Variants in SLC9A3 observed in about 807,000 individuals in gnomAD.
The protein encoded by SLC9A3 is solute carrier family 9 member A3.
A neutral mutation model predicts 86.8 loss-of-function variants in SLC9A3; 37 were observed. That is an observed-to-expected ratio of 0.43 (90% CI 0.33 to 0.56). The LOEUF (loss-of-function observed/expected upper bound fraction) is 0.56. Ranked by LOEUF, SLC9A3 falls within the 20% of genes least tolerant of loss-of-function variation. The probability of loss-of-function intolerance (pLI) is 0.06; values close to 1 mark genes in which losing one functional copy is unlikely to be tolerated. For missense variants in SLC9A3, 1,011 were observed against 1,171.9 expected (o/e 0.86, Z 2.00); for synonymous variants, 581 against 528.3 (o/e 1.10, Z -1.37).
chr5:506,985 C>T (rs960303481), intron 1 of SLC9A3, among the ~76,000 whole-genome samples: 5 of 148,954 alleles, frequency 3.4e-5, no homozygotes, highest in Non-Finnish European at 7.4e-5. Flanking sequence ...GCAGGAGAAT[C>T]GCTTGAACCC....
At chr5:501,739 G>A (rs1740287242) in intron 1 of SLC9A3, among the ~76,000 whole-genome samples, 1 of 152,240 alleles carries the variant, frequency 6.6e-6, no homozygotes, top group Non-Finnish European at 1.5e-5. Context: ...GGGCACCGGC[G>A]AGGAATCACG....
intron 10 of SLC9A3, 91 bp from the exon 11 acceptor site, chr5:477,535 G>T: frequency 1.2e-6 from 1 of 841,230 alleles, no homozygotes; most frequent in Non-Finnish European, 1.8e-6. Flanking sequence ...CCCAGAGCTC[G>T]GGGCCCGGGG....
chr5:471,677 T>C lies in SLC9A3; in HGVS notation c.*1702A>G, dbSNP rs574728452. The C allele has an allele frequency of 2.3e-6, 1 of 428,744 alleles. No individual in the cohort carries two copies. Among genetic ancestry groups the C allele is most frequent in the Non-Finnish European group, 4.7e-6 (1 of 212,818 alleles). The allele number at this position is 428,744 out of a possible 1,614,324, so 26.6% of individuals were successfully genotyped here. On this transcript the variant is annotated 3_prime_UTR_variant, in exon 17 of 17. Transcript: ENST00000264938. Reference sequence around the variant, plus strand: ...GGCTGCATTTTGTGCTCAGAGTTGGTTGAAATGGCTACGAAGTGTGGAGAA... The same window carrying C: ...GGCTGCATTTTGTGCTCAGAGTTGGCTGAAATGGCTACGAAGTGTGGAGAA...
In SLC9A3 at chr5:472,765, G is replaced by A. The variant is rs1738437173; in HGVS notation, c.*614C>T. 2 of 584,638 alleles carry A rather than the reference G, an allele frequency of 3.4e-6. No homozygotes were observed. The highest frequency in any genetic ancestry group is 6.5e-6 in the Non-Finnish European group (2 of 309,600). The allele number at this position is 584,638 out of a possible 1,614,324, so 36.2% of individuals were successfully genotyped here. A position where few individuals can be genotyped will look rare whatever the true frequency, so the allele number is the denominator to read the frequency against. On this transcript the variant is annotated 3_prime_UTR_variant, in exon 17 of 17. Transcript: ENST00000264938. Reference sequence around the variant, plus strand: ...GCTGGGCCTGCAGCCGCTGCAGGTCGGGCCCTGAGTCCTGGCGCTCGGGAG... The same window carrying A: ...GCTGGGCCTGCAGCCGCTGCAGGTCAGGCCCTGAGTCCTGGCGCTCGGGAG...
At chr5:477,501 C>T (rs1015082373) in intron 10 of SLC9A3, 57 bp from the exon 11 acceptor site, 1 of 1,301,434 alleles carries the variant, frequency 7.7e-7, no homozygotes, top group Non-Finnish European at 1.1e-6. Context: ...TAGCTGCTGC[C>T]ATTGTGTGCC....
At chr5:493,152 G>C (rs528375170) in intron 1 of SLC9A3, among the ~76,000 whole-genome samples, 56 of 151,496 alleles carry the variant, frequency 3.7e-4, no homozygotes, top group African/African-American at 1.3e-3. Context: ...TCCTGCGCTC[G>C]GCCTGATTTC....
intron 1 of SLC9A3, among the ~76,000 whole-genome samples, chr5:510,819 C>T (rs928255292): frequency 1.3e-5 from 2 of 151,934 alleles, no homozygotes; most frequent in East Asian, 3.9e-4. Flanking sequence ...CAGGGGTGGG[C>T]GGGAAGATGC....
At position 471,384 on chromosome 5, in the gene SLC9A3, C is replaced by A. The variant is rs146146011; in HGVS notation, c.*1995G>T. The A allele has an allele frequency of 1.2e-3, 346 of 279,476 alleles. 16 individuals carry two copies. The East Asian group carries it at 0.016, about 13-fold the overall frequency. 17.3% of individuals were successfully genotyped at this position (279,476 alleles called of 1,614,324 possible). A position where few individuals can be genotyped will look rare whatever the true frequency, so the allele number is the denominator to read the frequency against. ...GCGCCTGGAATCGCCATGCATTGCGCGGTGGACCGCACGACGCTCCTGCTC... is the reference window on the plus strand; with the variant it reads ...GCGCCTGGAATCGCCATGCATTGCGAGGTGGACCGCACGACGCTCCTGCTC... On this transcript the variant is annotated 3_prime_UTR_variant, in exon 17 of 17. Coordinates refer to ENST00000264938, the MANE Select transcript of SLC9A3 (RefSeq NM_004174.4).
chr5:488,191 C>T (rs1212505974), intron 3 of SLC9A3, 125 bp downstream of exon 3: 23 of 1,055,568 alleles, frequency 2.2e-5, no homozygotes, highest in Non-Finnish European at 2.9e-5. Context: ...GGACGGGACG[C>T]CCCCGGGAGG....
chr5:512,347 T>C (rs57721960), intron 1 of SLC9A3, among the ~76,000 whole-genome samples: 1 of 149,534 alleles, frequency 6.7e-6, no homozygotes, highest in East Asian at 2.0e-4. Context: ...TAATATAAAC[T>C]GTGGACCTTA....
Position 492,028 on chromosome 5 carries a change from G to A in SLC9A3, c.255C>T (p.Ser85=), listed in dbSNP as rs144815617. Residue 85 remains serine (S), a synonymous_variant, in exon 2 of 17, where the codon AGC becomes AGT. Coordinates refer to ENST00000264938, the MANE Select transcript of SLC9A3 (RefSeq NM_004174.4). ...SHKVTSVVPE[S]ALLIVLGLVL... ...CCAGGCCCAGCACGATGAGCAGGGC[G>A]CTCTCGGGAACCACGCTGGTGACCT... 68 of 1,569,828 alleles carry A rather than the reference G, an allele frequency of 4.3e-5. No homozygotes were observed. The highest frequency in any genetic ancestry group is 5.8e-5 in the South Asian group (5 of 85,980).
chr5:473,548 G>A (rs12514627), intron 16 of SLC9A3, 166 bp from the exon 17 acceptor site: 2 of 483,324 alleles, frequency 4.1e-6, no homozygotes, highest in South Asian at 1.8e-4. Context: ...ACCCGGGTTC[G>A]CGGGGCAGAG....
chr5:489,007 C>A (rs1452179067), intron 2 of SLC9A3, among the ~76,000 whole-genome samples: 1 of 152,192 alleles, frequency 6.6e-6, no homozygotes, highest in Non-Finnish European at 1.5e-5. Context: ...TCCCTAGCTC[C>A]CGGCCGGCTT....
chr5:514,980 C>T (rs749692246), intron 1 of SLC9A3, among the ~76,000 whole-genome samples: 3 of 152,056 alleles, frequency 2.0e-5, no homozygotes, highest in Non-Finnish European at 2.9e-5. Context: ...TAGGGGGTCC[C>T]GGCTGGGATG....
Position 477,418 on chromosome 5 carries a change from G to A in SLC9A3, c.1674C>T (p.Phe558=), listed in dbSNP as rs1368910488. ...AEGERRGSLA[F]IRSPSTDNVV... is the part of the protein sequence containing the mutation. ...CGTTGTCGGTGCTGGGGGAGCGGATGAAGGCCAGGGACCCGCGGCGCTCTC... is the reference window on the plus strand; with the variant it reads ...CGTTGTCGGTGCTGGGGGAGCGGATAAAGGCCAGGGACCCGCGGCGCTCTC... Residue 558 remains phenylalanine (F), a synonymous_variant, in exon 11 of 17, where the codon TTC becomes TTT. Transcript: ENST00000264938. The A allele has an allele frequency of 1.9e-6, 3 of 1,612,890 alleles. No individual in the cohort carries two copies. Among genetic ancestry groups the A allele is most frequent in the Non-Finnish European group, 1.7e-6 (2 of 1,179,738 alleles).
chr5:506,876 G>A (rs1740604526), intron 1 of SLC9A3, among the ~76,000 whole-genome samples: 2 of 133,736 alleles, frequency 1.5e-5, no homozygotes, highest in South Asian at 2.4e-4. Flanking sequence ...GACCAGCCTG[G>A]CCAATATGGA....
rs1486649037 is a variant in SLC9A3, at chr5:482,634, C to T, written c.1270G>A (p.Val424Met). 1 of 1,612,700 alleles carries T rather than the reference C, an allele frequency of 6.2e-7. No homozygotes were observed. Among genetic ancestry groups the T allele is most frequent in the Non-Finnish European group, 8.5e-7 (1 of 1,179,916 alleles). Residue 424 changes from valine (V) to methionine (M), a missense_variant, in exon 7 of 17, where the codon GTG becomes ATG. Val to Met is a conservative substitution (Grantham distance 21). Transcript: ENST00000264938. The stretch of plus-strand genomic sequence containing the variant: ...TTGACCTTGTCTCCATCCAGAAGCA[C>T]CACCAGGGCAAAGGCCACGGCCCCG... Reference protein sequence around the residue: ...LRGAVAFALVVLLDGDKVKEK... With the variant: ...LRGAVAFALVMLLDGDKVKEK...
intron 7 of SLC9A3, 51 bp from the exon 8 acceptor site, chr5:482,208 G>T (rs375993193): frequency 3.6e-6 from 5 of 1,399,764 alleles, no homozygotes; most frequent in Middle Eastern, 3.5e-4. Context: ...CCCACATCCC[G>T]CTGGCCCGGC....
chr5:479,723 G>A, intron 10 of SLC9A3, 113 bp downstream of exon 10: 5 of 1,101,560 alleles, frequency 4.5e-6, no homozygotes, highest in Non-Finnish European at 6.7e-6. Flanking sequence ...TGCTGGGGTG[G>A]GCCTGGCCTT....
Sources: allele counts gnomAD v4.1 joint callset (sites outside exome capture counted in the v4.1 genomes callset), GRCh38; gene constraint gnomAD v4.1.1; transcripts MANE v1.5; gene names NCBI Gene and HGNC (gene_info 2026-07-23, HGNC 2026-07-21).